Variants in APOL5 observed in about 807,000 individuals in gnomAD.
APOL5 encodes the protein apolipoprotein L, 5.
Under a neutral mutation model 35.5 loss-of-function variants are expected in APOL5, and 29 were observed. That is an observed-to-expected ratio of 0.82 (90% CI 0.61 to 1.11). APOL5 has a LOEUF of 1.11. Ranked by LOEUF, APOL5 falls within the 50% of genes most tolerant of loss-of-function variation. APOL5 has a pLI of 0.00. For synonymous variants in APOL5, 188 were observed against 200.2 expected (o/e 0.94, Z 0.51); for missense variants, 514 against 530.4 (o/e 0.97, Z 0.30).
chr22:35,721,420 G>A (rs1601896349), intron 2 of APOL5, among the ~76,000 whole-genome samples: 1 of 152,192 alleles, frequency 6.6e-6, no homozygotes, highest in Non-Finnish European at 1.5e-5. Context: ...GAGCATGCCT[G>A]TAATCCCAGC....
In APOL5 at chr22:35,718,540, T is replaced by C. The variant is rs546555905; in HGVS notation, c.55+614T>C. The stretch of plus-strand genomic sequence containing the variant: ...GGTGAGGCAGGAGAATTGCTTGAAC[T>C]GGGAGATCGCGCCATTGCACTGCAG... On this transcript the variant is annotated intron_variant, in intron 1 of 4. Coordinates refer to ENST00000249044, the MANE Select transcript of APOL5 (RefSeq NM_030642.1). Among the ~76,000 whole-genome samples the C allele has an allele frequency of 8.6e-5, 12 of 139,918 alleles. No homozygotes were observed. In the East Asian group the frequency reaches 1.5e-3, roughly 17 times the overall value. The allele number at this position is 139,918 out of a possible 152,430, so 91.8% of individuals were successfully genotyped here.
chr22:35,721,322 C>T (rs759689600), intron 2 of APOL5, among the ~76,000 whole-genome samples: 9 of 152,106 alleles, frequency 5.9e-5, no homozygotes, highest in Non-Finnish European at 1.2e-4. Context: ...GTGGGCGGAT[C>T]GCTTGAGGTC....
intron 3 of APOL5, 147 bp from the exon 4 acceptor site, chr22:35,728,575 TG>T: frequency 1.2e-6 from 1 of 867,640 alleles, no homozygotes; most frequent in Non-Finnish European, 1.7e-6. Flanking sequence ...CCGCCAAGTT[TG>T]GGACCCACTG....
chr22:35,728,368 C>T (rs575301620), intron 3 of APOL5, among the ~76,000 whole-genome samples: 3 of 152,232 alleles, frequency 2.0e-5, no homozygotes, highest in African/African-American at 7.2e-5. Context: ...GGACTACAGG[C>T]GCCCGCCACG....
In APOL5 at chr22:35,717,909, G is replaced by A. The variant is rs1176348620; in HGVS notation, c.38G>A (p.Gly13Asp). 4.4e-6 allele frequency: 7 copies of A among 1,591,848 alleles called. No individual in the cohort carries two copies. Among genetic ancestry groups the A allele is most frequent in the Admixed American group, 1.7e-5 (1 of 57,650 alleles). The change falls in exon 1 of 5, where the codon GGT becomes GAT. Residue 13 changes from glycine (G) to aspartate (D), a missense_variant. Physicochemically the swap from Gly to Asp is moderately conservative, Grantham distance 94. Transcript: ENST00000249044. ...AAACAAGGAAATTTGCAAGTTCCCG[G>A]TTCCAAGGTGTTACCTGGTAAGTTC... ...CGKQGNLQVP[G>D]SKVLPGLGEG...
At chr22:35,709,126 C>T in the APOL5 span, among the ~76,000 whole-genome samples, 1,573 of 152,214 alleles carry the variant, frequency 0.01, 27 homozygotes, top group Middle Eastern at 0.068. Context: ...TTGAAATGAC[C>T]TGTGTTCACT....
chr22:35,728,601 G>A lies in APOL5; in HGVS notation c.1127-122G>A, dbSNP rs1240831596. 7.2e-6 allele frequency: 8 copies of A among 1,112,414 alleles called. No individual in the cohort carries two copies. In the South Asian group the frequency reaches 8.0e-5, roughly 11 times the overall value. 68.9% of individuals were successfully genotyped at this position (1,112,414 alleles called of 1,614,324 possible). On this transcript the variant is annotated intron_variant, in intron 3 of 4. Transcript: ENST00000249044. Reference sequence around the variant, plus strand: ...GGGACCCACTGCCCTGGGGCGGGAGGGGTTTTCTTCTTCTCAAAGCCAATA... The same window carrying A: ...GGGACCCACTGCCCTGGGGCGGGAGAGGTTTTCTTCTTCTCAAAGCCAATA...
the APOL5 span, among the ~76,000 whole-genome samples, chr22:35,709,784 T>A: frequency 2.0e-5 from 3 of 152,184 alleles, no homozygotes; most frequent in African/African-American, 4.8e-5. Flanking sequence ...ATCTTTTTTT[T>A]TAATAGTGTC....
intron 4 of APOL5, 146 bp downstream of exon 4, chr22:35,729,050 C>T (rs557900035): frequency 1.3e-4 from 115 of 885,392 alleles, no homozygotes; most frequent in Non-Finnish European, 1.7e-4. Context: ...CCACCTGCCA[C>T]GCCACCTGGT....
Position 35,720,588 on chromosome 22 carries a change from G to A in APOL5, c.76G>A (p.Glu26Lys), listed in dbSNP as rs769730762. The change falls in exon 2 of 5, where the codon GAA (glutamate) becomes AAA (lysine). Residue 26 changes from glutamate (E) to lysine (K), a missense_variant. This residue lies in a region of APOL5 where 254 missense variants were observed against 254.7 expected (regional missense o/e 1.00). Transcript: ENST00000249044. ...VLPGLGEGCK[E>K]MWLRKVIYGG... Reference sequence around the variant, plus strand: ...TCCAGGCTTGGGAGAAGGTTGTAAAGAAATGTGGCTTCGAAAGGTAATCTA... The same window carrying A: ...TCCAGGCTTGGGAGAAGGTTGTAAAAAAATGTGGCTTCGAAAGGTAATCTA... 1 of 1,614,180 alleles carries A rather than the reference G, an allele frequency of 6.2e-7. No individual in the cohort carries two copies. Among genetic ancestry groups the A allele is most frequent in the Non-Finnish European group, 8.5e-7 (1 of 1,180,034 alleles).
At chr22:35,726,128 G>T in intron 2 of APOL5, 83 bp from the exon 3 acceptor site, 1 of 1,490,116 alleles carries the variant, frequency 6.7e-7, no homozygotes. Flanking sequence ...TTTTTGCAAA[G>T]GTGGTTTCGA....
chr22:35,726,928 T>C lies in APOL5; in HGVS notation c.860T>C (p.Met287Thr), dbSNP rs755082762. 6.2e-7 allele frequency: 1 copy of C among 1,614,198 alleles called. No homozygotes were observed. The highest frequency in any genetic ancestry group is 1.1e-5 in the South Asian group (1 of 91,076). Residue 287 changes from methionine (M) to threonine (T), a missense_variant, in exon 3 of 5, where the codon ATG becomes ACG. Around this residue, in one of 3 missense-constraint regions of APOL5, gnomAD observed 238 missense variants for 229.1 expected, o/e 1.04. Transcript: ENST00000249044. The stretch of plus-strand genomic sequence containing the variant: ...GCCTTTGAGGGCACAACTCTGGCCA[T>C]GACCAATGGTGCCTGGGTGATGGGT... ...QRAFEGTTLA[M>T]TNGAWVMGAA...
chr22:35,726,966 G>C lies in APOL5; in HGVS notation c.898G>C (p.Gly300Arg). The change falls in exon 3 of 5, where the codon GGC becomes CGC. Residue 300 changes from glycine (G) to arginine (R), a missense_variant. Coordinates refer to ENST00000249044, the MANE Select transcript of APOL5 (RefSeq NM_030642.1). ...CTGGGTGATGGGTGCTGCTGGGGCT[G>C]GCTTCTTACTTATGAAAGACATGAG... ...GAWVMGAAGA[G>R]FLLMKDMSSF... 1.9e-6 allele frequency: 3 copies of C among 1,614,176 alleles called. No homozygotes were observed. Among genetic ancestry groups the C allele is most frequent in the Non-Finnish European group, 2.5e-6 (3 of 1,180,020 alleles).
Position 35,717,934 on chromosome 22 carries a change from C to A in APOL5, c.55+8C>A. 6.4e-7 allele frequency: 1 copy of A among 1,557,678 alleles called. No homozygotes were observed. The highest frequency in any genetic ancestry group is 8.7e-7 in the Non-Finnish European group (1 of 1,153,004). ...GTTCCAAGGTGTTACCTGGTAAGTT[C>A]TTTTAAGCTTTCAGAAAACAAGCAA... On this transcript the variant is annotated splice_region_variant and intron_variant, in intron 1 of 4. Coordinates refer to ENST00000249044, the MANE Select transcript of APOL5 (RefSeq NM_030642.1).
intron 3 of APOL5, among the ~76,000 whole-genome samples, chr22:35,727,540 G>A (rs1433468989): frequency 6.6e-6 from 1 of 152,198 alleles, no homozygotes; most frequent in African/African-American, 2.4e-5. Flanking sequence ...AGCAGTGCTG[G>A]TTGCTGGGAC....
chr22:35,726,434 C>A lies in APOL5; in HGVS notation c.366C>A (p.Thr122=), dbSNP rs765152614. ...AACAGAACATCAAAGAACTTAACAC[C>A]CTTGCGGACCAAGTTGACACCACTC... The part of the protein sequence containing the change: ...ELEQNIKELN[T]LADQVDTTHE... The change falls in exon 3 of 5, where the codon ACC becomes ACA. Residue 122 remains threonine (T), a synonymous_variant. Transcript: ENST00000249044. The A allele has an allele frequency of 1.7e-5, 28 of 1,613,968 alleles. No homozygotes were observed. The East Asian group carries it at 4.0e-4, about 23-fold the overall frequency.
the APOL5 span, among the ~76,000 whole-genome samples, chr22:35,711,320 A>G: frequency 6.6e-6 from 1 of 152,208 alleles, no homozygotes; most frequent in African/African-American, 2.4e-5. Context: ...CATTTTGGCT[A>G]TTGTGAGTAA....
At chr22:35,710,390 C>T in the APOL5 span, among the ~76,000 whole-genome samples, 6 of 151,452 alleles carry the variant, frequency 4.0e-5, no homozygotes, top group African/African-American at 9.7e-5. Flanking sequence ...GATCCTCCCG[C>T]CTTGGCCTCT....
chr22:35,722,810 G>C (rs755604053), intron 2 of APOL5, among the ~76,000 whole-genome samples: 1 of 152,162 alleles, frequency 6.6e-6, no homozygotes, highest in Non-Finnish European at 1.5e-5. Flanking sequence ...ATGTGTCACC[G>C]TGATTCTCCC....
Sources: allele counts gnomAD v4.1 joint callset (sites outside exome capture counted in the v4.1 genomes callset), GRCh38; gene constraint gnomAD v4.1.1; regional missense constraint gnomAD v4.1.1; transcripts MANE v1.5; gene names NCBI Gene and HGNC (gene_info 2026-07-23, HGNC 2026-07-21).